Variants in FCRL1 observed in about 807,000 individuals in gnomAD.
FCRL1 encodes the protein Fc receptor-like protein 1.
Under a neutral mutation model 49.2 loss-of-function variants are expected in FCRL1, and 34 were observed. The observed-to-expected ratio is 0.69, with a 90% CI of 0.53 to 0.92. FCRL1 has a LOEUF of 0.92. FCRL1 is among the 40% of genes least tolerant of loss of function. The pLI, the probability that FCRL1 is intolerant of heterozygous loss-of-function variation, is 0.00. For synonymous variants in FCRL1, 218 were observed against 201.6 expected (o/e 1.08, Z -0.69); for missense variants, 524 against 524.1 (o/e 1.00, Z 0.00).
rs1651234058 is a variant in FCRL1 at position 157,794,687 on chromosome 1, T to G, written c.*1412A>C. 1 of 152,182 alleles carries G rather than the reference T, an allele frequency of 6.6e-6. No homozygotes were observed. Among genetic ancestry groups the G allele is most frequent in the Non-Finnish European group, 1.5e-5 (1 of 68,032 alleles). The allele number at this position is 152,182 out of a possible 1,614,324, so 9.4% of individuals were successfully genotyped here. On this transcript the variant is annotated 3_prime_UTR_variant, in exon 11 of 11. Transcript: ENST00000368176. ...TTATAATATGAATTTTTTGAGAGTC[T>G]CCTTAATGTCCACCAGTGATGAGAA...
chr1:157,813,595 A>G (rs544537064), intron 1 of FCRL1, among the ~76,000 whole-genome samples: 66 of 152,290 alleles, frequency 4.3e-4, no homozygotes, highest in African/African-American at 1.4e-3. Context: ...GACTTATGGG[A>G]CACCATTAAG....
chr1:157,802,141 TG>T lies in FCRL1; in HGVS notation c.659del (p.Ala220GlufsTer13). 1 of 1,614,126 alleles carries T rather than the reference TG, an allele frequency of 6.2e-7. No homozygotes were observed. The highest frequency in any genetic ancestry group is 8.5e-7 in the Non-Finnish European group (1 of 1,179,998). ...AGTGAAGCTCCAGCACATCCTCCAC[TG>T]CAGCCTGGGCCCTGGGAGCCCTGAG... ...LMLRAPRAQA[A>X]VEDVLELHCE... On this transcript the variant is annotated frameshift_variant, in exon 5 of 11. Transcript: ENST00000368176. LOFTEE classifies it high-confidence loss of function.
chr1:157,801,185 C>T (rs764258968), intron 6 of FCRL1, among the ~76,000 whole-genome samples: 5 of 152,132 alleles, frequency 3.3e-5, no homozygotes, highest in Non-Finnish European at 5.9e-5. Flanking sequence ...CCACCGCCCC[C>T]GGCCAAATCA....
At chr1:157,816,634 A>G (rs749532496) in intron 1 of FCRL1, among the ~76,000 whole-genome samples, 23 of 151,876 alleles carry the variant, frequency 1.5e-4, no homozygotes, top group Non-Finnish European at 3.1e-4. Context: ...CCAAATTGAG[A>G]AGGAAGAAGT....
At chr1:157,806,559 G>T in intron 2 of FCRL1, 1 of 152,564 alleles carries the variant, frequency 6.6e-6, no homozygotes, top group Admixed American at 6.5e-5. Context: ...AAAATGAGCT[G>T]GGGTAACAGG....
At chr1:157,804,961 G>T (rs570153060) in intron 2 of FCRL1, among the ~76,000 whole-genome samples, 1 of 151,792 alleles carries the variant, frequency 6.6e-6, no homozygotes, top group East Asian at 1.9e-4. Flanking sequence ...CTGGGCTCAA[G>T]CAGTCATCCC....
chr1:157,816,784 AATAG>A (rs3033729), intron 1 of FCRL1, among the ~76,000 whole-genome samples: 10,755 of 147,418 alleles, frequency 0.073, 403 homozygotes, highest in South Asian at 0.16. Flanking sequence ...GTTGCTGGAT[AATAG>A]ATAGATAGAT....
chr1:157,803,769 C>T (rs1652916315), intron 3 of FCRL1, 76 bp downstream of exon 3: 1 of 1,541,958 alleles, frequency 6.5e-7, no homozygotes. Flanking sequence ...GAGATAGAAC[C>T]CATAACAGTG....
intron 4 of FCRL1, 32 bp from the exon 5 acceptor site, chr1:157,802,225 C>G (rs1307566253): frequency 1.9e-6 from 3 of 1,597,618 alleles, no homozygotes; most frequent in Non-Finnish European, 2.6e-6. Context: ...AAGAGACAGT[C>G]TCTGACAATG....
intron 1 of FCRL1, among the ~76,000 whole-genome samples, chr1:157,813,288 C>T (rs1313901738): frequency 6.6e-6 from 1 of 151,910 alleles, no homozygotes; most frequent in Non-Finnish European, 1.5e-5. Context: ...CTAAAAAATT[C>T]AAAATTATAA....
At position 157,803,868 on chromosome 1, in the gene FCRL1, C is replaced by T. The variant is rs1652942388; in HGVS notation, c.296G>A (p.Arg99Lys). The change falls in exon 3 of 11, where the codon AGG becomes AAG. Residue 99 changes from arginine to lysine, a missense_variant. Coordinates refer to ENST00000368176, the MANE Select transcript of FCRL1 (RefSeq NM_052938.5). The part of the protein sequence containing the change: ...QTMASKVLRS[R>K]RSQINVHRVP... ...ACTGTGCACATTTATCTGGGATCTC[C>T]TGCTCCTCAAGACTTTGGACGCCAT... 1 of 1,614,054 alleles carries T rather than the reference C, an allele frequency of 6.2e-7. No individual in the cohort carries two copies. Among genetic ancestry groups the T allele is most frequent in the Non-Finnish European group, 8.5e-7 (1 of 1,180,018 alleles).
rs1316137237 is a variant in FCRL1, at chr1:157,795,006, G to T, written c.*1093C>A. The T allele has an allele frequency of 6.6e-6, 1 of 152,184 alleles. No individual in the cohort carries two copies. The highest frequency in any genetic ancestry group is 1.5e-5 in the Non-Finnish European group (1 of 68,036). The allele number at this position is 152,184 out of a possible 1,614,324, so 9.4% of individuals were successfully genotyped here. ...TAGAAAAATATCTAGAGAGCTACCT[G>T]TAAAGTTTTTAACAATAGTTAACAT... On this transcript the variant is annotated 3_prime_UTR_variant, in exon 11 of 11. Transcript: ENST00000368176.
At chr1:157,802,843 A>G (rs1321227126) in intron 3 of FCRL1, among the ~76,000 whole-genome samples, 179 bp from the exon 4 acceptor site, 1 of 152,172 alleles carries the variant, frequency 6.6e-6, no homozygotes, top group East Asian at 1.9e-4. Context: ...TAGGATAAGA[A>G]AGACACCATA....
At chr1:157,809,482 C>A (rs551231892) in intron 1 of FCRL1, among the ~76,000 whole-genome samples, 29 of 152,332 alleles carry the variant, frequency 1.9e-4, no homozygotes, top group African/African-American at 2.2e-4. Flanking sequence ...GAGTTTCACT[C>A]TTCTTGCCCA....
chr1:157,808,594 T>A (rs1339381664), intron 1 of FCRL1, among the ~76,000 whole-genome samples: 1 of 152,234 alleles, frequency 6.6e-6, no homozygotes, highest in Non-Finnish European at 1.5e-5. Flanking sequence ...GGGCACTTTA[T>A]GGACTTGGCA....
At chr1:157,813,809 G>A (rs1654673342) in intron 1 of FCRL1, among the ~76,000 whole-genome samples, 1 of 152,092 alleles carries the variant, frequency 6.6e-6, no homozygotes, top group Non-Finnish European at 1.5e-5. Flanking sequence ...ATTGTTAAAG[G>A]TCAAATACAA....
chr1:157,796,205 C>G (rs1651443848), intron 10 of FCRL1, 35 bp from the exon 11 acceptor site: 12 of 1,565,092 alleles, frequency 7.7e-6, no homozygotes, highest in Non-Finnish European at 1.8e-6. Flanking sequence ...GCAGGGAAGA[C>G]AAGCAGAACA....
At chr1:157,809,793 A>C (rs1057149588) in intron 1 of FCRL1, among the ~76,000 whole-genome samples, 1 of 152,128 alleles carries the variant, frequency 6.6e-6, no homozygotes, top group Non-Finnish European at 1.5e-5. Context: ...GTGTGGTTGC[A>C]TGTGTCTCTG....
At chr1:157,816,784 A>ATAG in intron 1 of FCRL1, among the ~76,000 whole-genome samples, 1 of 147,476 alleles carries the variant, frequency 6.8e-6, no homozygotes, top group Non-Finnish European at 1.5e-5. Flanking sequence ...GTTGCTGGAT[A>ATAG]ATAGATAGAT....
Sources: allele counts gnomAD v4.1 joint callset (sites outside exome capture counted in the v4.1 genomes callset), GRCh38; gene constraint gnomAD v4.1.1; transcripts MANE v1.5; gene names NCBI Gene and HGNC (gene_info 2026-07-23, HGNC 2026-07-21).